PPFIBP2: variants seen among roughly 807,000 people sequenced by gnomAD.
PPFIBP2 encodes liprin-beta-2.
In PPFIBP2, 118 loss-of-function variants were observed where a neutral mutation model predicts 118.3. The ratio of observed to expected loss-of-function variants is 1.00; its 90% CI spans 0.86 to 1.16. The LOEUF (loss-of-function observed/expected upper bound fraction) is 1.16, where lower values mean the gene tolerates loss of function less well. PPFIBP2 is among the 50% of genes most tolerant of loss of function. PPFIBP2 has a pLI of 0.00. For synonymous variants in PPFIBP2, 414 were observed against 397.4 expected (o/e 1.04, Z -0.50); for missense variants, 1,195 against 1,073.1 (o/e 1.11, Z -1.59).
the PPFIBP2 span, among the ~76,000 whole-genome samples, chr11:7,662,942 G>C: frequency 7.4e-6 from 1 of 135,588 alleles, no homozygotes; most frequent in South Asian, 2.6e-4. Flanking sequence ...GATCGCATCG[G>C]CTCCTGAGGC....
intron 4 of PPFIBP2, chr11:7,597,293 T>C (rs1209816245): frequency 6.5e-7 from 1 of 1,535,604 alleles, no homozygotes; most frequent in Admixed American, 2.0e-5. Context: ...CTGTGGCTGT[T>C]GGGTGTTTTA....
At chr11:7,597,252 A>AT in intron 4 of PPFIBP2, 1 of 1,533,592 alleles carries the variant, frequency 6.5e-7, no homozygotes, top group Non-Finnish European at 8.7e-7. Flanking sequence ...GAAGAGGAAT[A>AT]AGGAGCAGGA....
intron 3 of PPFIBP2, among the ~76,000 whole-genome samples, chr11:7,590,913 C>T (rs115792568): frequency 3.7e-4 from 57 of 152,284 alleles, no homozygotes; most frequent in South Asian, 1.2e-3. Flanking sequence ...TCCCTTGCTC[C>T]GGAATAATTA....
intron 1 of PPFIBP2, among the ~76,000 whole-genome samples, chr11:7,544,820 A>G (rs1852163123): frequency 6.7e-6 from 1 of 148,632 alleles, no homozygotes; most frequent in African/African-American, 2.5e-5. Flanking sequence ...CCATCTGCTT[A>G]GCTGTCACCC....
rs12099265 is a variant in PPFIBP2, at chr11:7,605,693, T to C, written c.487-4598T>C. 5.5e-3 allele frequency: 7,253 copies of C among 1,318,460 alleles called. 368 individuals carry two copies. The African/African-American group carries it at 0.1, about 18-fold the overall frequency. The allele number at this position is 1,318,460 out of a possible 1,614,324, so 81.7% of individuals were successfully genotyped here. A position where few individuals can be genotyped will look rare whatever the true frequency, so the allele number is the denominator to read the frequency against. ...GAGAACAATGTTGCTTCAAGGAAGT[T>C]GATAAACCAGGAAAATAGAGTTACT... On this transcript the variant is annotated intron_variant, in intron 5 of 23. Coordinates refer to ENST00000299492, the MANE Select transcript of PPFIBP2 (RefSeq NM_003621.5).
At chr11:7,584,297 G>A (rs931917085) in intron 3 of PPFIBP2, among the ~76,000 whole-genome samples, 8 of 152,118 alleles carry the variant, frequency 5.3e-5, no homozygotes, top group Admixed American at 1.3e-4. Flanking sequence ...ACTCTGCTTT[G>A]TTCTTCCTTA....
chr11:7,622,705 T>C (rs1283883350), intron 7 of PPFIBP2, among the ~76,000 whole-genome samples: 2 of 152,188 alleles, frequency 1.3e-5, no homozygotes, highest in Non-Finnish European at 2.9e-5. Flanking sequence ...CTGGCCTGTG[T>C]GTATCTGAGT....
the PPFIBP2 span, chr11:7,665,606 G>A: frequency 1.3e-6 from 2 of 1,516,912 alleles, no homozygotes; most frequent in Non-Finnish European, 1.8e-6. Context: ...CCTGATCCCA[G>A]GCCGCCTGCA....
At chr11:7,665,348 G>C in the PPFIBP2 span, 6 of 1,478,116 alleles carry the variant, frequency 4.1e-6, no homozygotes, top group East Asian at 2.4e-5. Flanking sequence ...AAAGGGACAT[G>C]CAAAATTGCT....
At chr11:7,601,562 G>C (rs762860808) in intron 5 of PPFIBP2, among the ~76,000 whole-genome samples, 8 of 152,106 alleles carry the variant, frequency 5.3e-5, no homozygotes, top group Non-Finnish European at 1.2e-4. Context: ...TACATAGACA[G>C]CTACAAGCAT....
intron 9 of PPFIBP2, 145 bp from the exon 10 acceptor site, chr11:7,629,314 G>A: frequency 1.3e-6 from 1 of 750,706 alleles, no homozygotes; most frequent in Non-Finnish European, 2.3e-6. Context: ...TCCCAGCTCT[G>A]TGGAATGGGG....
intron 5 of PPFIBP2, among the ~76,000 whole-genome samples, chr11:7,599,107 T>C (rs1402913821): frequency 6.6e-6 from 1 of 152,164 alleles, no homozygotes; most frequent in African/African-American, 2.4e-5. Context: ...GAGGCTTTTT[T>C]TTTTTAATTG....
At chr11:7,533,577 G>A (rs1055212321) in intron 1 of PPFIBP2, among the ~76,000 whole-genome samples, 3 of 152,312 alleles carry the variant, frequency 2.0e-5, no homozygotes, top group Middle Eastern at 3.4e-3. Context: ...GACGATAAAG[G>A]TGTGTACCAG....
At chr11:7,665,625 C>A in the PPFIBP2 span, 1 of 1,443,570 alleles carries the variant, frequency 6.9e-7, no homozygotes, top group South Asian at 1.4e-5. Context: ...CACACCCACC[C>A]TCAGCCAGGG....
rs1564994514 is a variant in PPFIBP2 at position 7,577,342 on chromosome 11, T to TGTGTGTGTGTGC, written c.279+11585_279+11586insGCGTGTGTGTGT. The TGTGTGTGTGTGC allele has an allele frequency of 9.2e-4, 297 of 323,062 alleles. 1 individual carries two copies. The highest frequency in any genetic ancestry group is 5.8e-3 in the African/African-American group (250 of 43,248). 20.0% of individuals were successfully genotyped at this position (323,062 alleles called of 1,614,324 possible). A position where few individuals can be genotyped will look rare whatever the true frequency, so the allele number is the denominator to read the frequency against. On this transcript the variant is annotated intron_variant, in intron 3 of 23. Coordinates refer to ENST00000299492, the MANE Select transcript of PPFIBP2 (RefSeq NM_003621.5). ...GTGCGTGTGTGTGTGTGTGTGTGTG[T>TGTGTGTGTGTGC]GTGTGTGTGTTTGTTGGGGTGGTCG...
the PPFIBP2 span, among the ~76,000 whole-genome samples, chr11:7,663,599 T>TTG: frequency 6.6e-6 from 1 of 151,536 alleles, no homozygotes; most frequent in African/African-American, 2.5e-5. Flanking sequence ...TTCTGTCTTT[T>TTG]TGTTTGTCTG....
At chr11:7,549,115 T>C (rs1852657891) in intron 1 of PPFIBP2, among the ~76,000 whole-genome samples, 1 of 152,172 alleles carries the variant, frequency 6.6e-6, no homozygotes, top group Non-Finnish European at 1.5e-5. Context: ...CCTTTCACAG[T>C]GGGGTCGGAG....
intron 8 of PPFIBP2, among the ~76,000 whole-genome samples, chr11:7,626,245 C>G (rs993391232): frequency 6.6e-6 from 1 of 152,220 alleles, no homozygotes; most frequent in African/African-American, 2.4e-5. Context: ...ACTTTTGTGT[C>G]ATCACCAAAG....
chr11:7,593,717 G>C (rs946694850), intron 4 of PPFIBP2, among the ~76,000 whole-genome samples: 2 of 152,188 alleles, frequency 1.3e-5, no homozygotes, highest in South Asian at 4.1e-4. Flanking sequence ...GGTAACAGGG[G>C]CTAAGCCTTT....
Sources: gnomAD v4.1 joint callset for allele counts (sites outside exome capture counted in the v4.1 genomes callset) on GRCh38, gnomAD v4.1.1 for gene constraint, MANE v1.5 for transcripts, NCBI Gene and HGNC (gene_info 2026-07-23, HGNC 2026-07-21) for gene names.